Variants in SUFU observed in about 807,000 individuals in gnomAD.
SUFU encodes the protein suppressor of fused homolog.
Under a neutral mutation model 58.9 loss-of-function variants are expected in SUFU, and 7 were observed. That is an observed-to-expected ratio of 0.12 (90% CI 0.07 to 0.22). SUFU has a LOEUF of 0.22. SUFU is among the 10% of genes least tolerant of loss of function. The probability of loss-of-function intolerance (pLI) is 1.00; values close to 1 mark genes in which losing one functional copy is unlikely to be tolerated. For synonymous variants in SUFU, 232 were observed against 254.8 expected (o/e 0.91, Z 0.85); for missense variants, 451 against 641.3 (o/e 0.70, Z 3.20).
chr10:102,615,522 G>A, intron 9 of SUFU, 120 bp downstream of exon 9: 1 of 1,465,396 alleles, frequency 6.8e-7, no homozygotes, highest in Non-Finnish European at 9.5e-7. Flanking sequence ...CCTCCAAGGA[G>A]CCACCAGGCC....
intron 3 of SUFU, among the ~76,000 whole-genome samples, chr10:102,558,308 T>A (rs1206368057): frequency 6.6e-6 from 1 of 152,142 alleles, no homozygotes. Context: ...ATTTCTGGGC[T>A]CAAGTGATCT....
chr10:102,535,971 T>TGA (rs1564670044), intron 2 of SUFU, among the ~76,000 whole-genome samples: 66 of 118,164 alleles, frequency 5.6e-4, no homozygotes, highest in African/African-American at 1.1e-3. Context: ...GATGATGATG[T>TGA]TGTTGATGAT....
chr10:102,630,531 G>A lies in SUFU; in HGVS notation c.*376G>A, dbSNP rs866120174. The A allele has an allele frequency of 3.6e-4, 152 of 417,102 alleles. 1 individual carries two copies. The highest frequency in any genetic ancestry group is 2.1e-3 in the Middle Eastern group (3 of 1,458). The allele number at this position is 417,102 out of a possible 1,614,324, so 25.8% of individuals were successfully genotyped here. A position where few individuals can be genotyped will look rare whatever the true frequency, so the allele number is the denominator to read the frequency against. On this transcript the variant is annotated 3_prime_UTR_variant, in exon 12 of 12. Coordinates refer to ENST00000369902, the MANE Select transcript of SUFU (RefSeq NM_016169.4). ...CCCTGCCGCACAGCCCAGCAGGAGGGAGGCGGACAGCCAGATGCAGAGCGA... is the reference window on the plus strand; with the variant it reads ...CCCTGCCGCACAGCCCAGCAGGAGGAAGGCGGACAGCCAGATGCAGAGCGA...
At chr10:102,577,824 G>T (rs1828027612) in intron 3 of SUFU, among the ~76,000 whole-genome samples, 1 of 151,222 alleles carries the variant, frequency 6.6e-6, no homozygotes, top group South Asian at 2.1e-4. Context: ...GGGACTACAG[G>T]TGCCCACCAC....
chr10:102,536,486 C>T (rs1166716701), intron 2 of SUFU, among the ~76,000 whole-genome samples: 3 of 151,204 alleles, frequency 2.0e-5, no homozygotes, highest in Non-Finnish European at 4.4e-5. Context: ...GCCTCAGCAT[C>T]CCGAGTAGCT....
chr10:102,620,687 G>T (rs2063732593), intron 10 of SUFU, among the ~76,000 whole-genome samples: 1 of 152,116 alleles, frequency 6.6e-6, no homozygotes, highest in Admixed American at 6.5e-5. Context: ...CCTGGGAGGG[G>T]GCCTGCCAAG....
intron 3 of SUFU, among the ~76,000 whole-genome samples, chr10:102,578,671 G>A (rs1293263067): frequency 1.3e-5 from 2 of 148,746 alleles, no homozygotes; most frequent in South Asian, 2.1e-4. Context: ...TCATGTCACC[G>A]CACTCCAGCC....
intron 8 of SUFU, among the ~76,000 whole-genome samples, chr10:102,611,457 A>G (rs1327012811): frequency 1.3e-5 from 2 of 152,216 alleles, no homozygotes; most frequent in Admixed American, 6.5e-5. Context: ...GGGTCCACTC[A>G]AGGAGTCAGG....
chr10:102,504,178 C>T lies in SUFU; in HGVS notation c.26C>T (p.Ala9Val), dbSNP rs775491374. The change falls in exon 1 of 12, where the codon GCC becomes GTC. Residue 9 changes from alanine (A) to valine (V), a missense_variant. Physicochemically the swap from Ala to Val is moderately conservative, Grantham distance 64. Coordinates refer to ENST00000369902, the MANE Select transcript of SUFU (RefSeq NM_016169.4). ...ATGGCGGAGCTGCGGCCTAGCGGCG[C>T]CCCCGGCCCCACCGCGCCCCCGGCC... MAELRPSG[A>V]PGPTAPPAPG... The T allele has an allele frequency of 4.5e-6, 7 of 1,544,150 alleles. No homozygotes were observed. In the Admixed American group the frequency reaches 5.9e-5, roughly 13 times the overall value.
intron 2 of SUFU, among the ~76,000 whole-genome samples, chr10:102,538,369 A>G (rs982125439): frequency 2.0e-5 from 3 of 151,994 alleles, no homozygotes; most frequent in African/African-American, 7.2e-5. Flanking sequence ...TCCAAATGTA[A>G]GATTATTCCC....
rs1231839343 is a variant in SUFU, at chr10:102,625,348, C to G, written c.1297-1827C>G. On this transcript the variant is annotated intron_variant, in intron 10 of 11. Coordinates refer to ENST00000369902, the MANE Select transcript of SUFU (RefSeq NM_016169.4). The surrounding 1 kb of genome is among the most constrained non-coding windows in gnomAD (Gnocchi z 4.7). ...CCTTGTCTCTGTCCTTGGTCGGGGC[C>G]CTAGCTCCTAGAACAGAGAGTTTGG... 6.6e-6 allele frequency among the ~76,000 whole-genome samples: 1 copy of G among 152,166 alleles called. No homozygotes were observed. Among genetic ancestry groups the G allele is most frequent in the Admixed American group, 6.5e-5 (1 of 15,280 alleles).
chr10:102,511,636 T>G (rs1264636813), intron 2 of SUFU, among the ~76,000 whole-genome samples: 1 of 152,216 alleles, frequency 6.6e-6, no homozygotes, highest in Non-Finnish European at 1.5e-5. Context: ...AGGGGTTAAA[T>G]GAATTGCTAA....
chr10:102,535,015 A>G (rs763525016), intron 2 of SUFU, among the ~76,000 whole-genome samples: 12 of 152,164 alleles, frequency 7.9e-5, no homozygotes, highest in Non-Finnish European at 1.3e-4. Context: ...CCCCCTGCAC[A>G]GGATCTAGGT....
Position 102,592,739 on chromosome 10 carries a change from G to A in SUFU, c.597+15G>A, listed in dbSNP as rs2063417094. On this transcript the variant is annotated intron_variant, in intron 4 of 11. Coordinates refer to ENST00000369902, the MANE Select transcript of SUFU (RefSeq NM_016169.4). ...CCTTCCTCCAGGTGAGGCACAGGTT[G>A]GACGCTGGCTCAAGCCTTCCTGTGG... 11 of 1,613,656 alleles carry A rather than the reference G, an allele frequency of 6.8e-6. No homozygotes were observed. Among genetic ancestry groups the A allele is most frequent in the Non-Finnish European group, 9.3e-6 (11 of 1,180,034 alleles).
chr10:102,601,710 A>G (rs976624113), intron 8 of SUFU, among the ~76,000 whole-genome samples: 5 of 152,222 alleles, frequency 3.3e-5, no homozygotes, highest in Non-Finnish European at 7.3e-5. Flanking sequence ...TGATGGACTC[A>G]GTTCAGATCA....
At chr10:102,598,911 C>T (rs2063489785) in intron 7 of SUFU, among the ~76,000 whole-genome samples, 2 of 152,118 alleles carry the variant, frequency 1.3e-5, no homozygotes, top group Admixed American at 1.3e-4. Context: ...GGCAGAGTTT[C>T]CTGGGATAGA....
At chr10:102,507,136 G>C (rs1188675451) in intron 1 of SUFU, among the ~76,000 whole-genome samples, 3 of 152,144 alleles carry the variant, frequency 2.0e-5, no homozygotes, top group African/African-American at 7.2e-5. Context: ...TTGGGGACAG[G>C]GTTAATTTTA....
intron 3 of SUFU, among the ~76,000 whole-genome samples, chr10:102,582,551 G>A (rs952007718): frequency 4.6e-5 from 7 of 152,150 alleles, no homozygotes; most frequent in East Asian, 1.9e-4. Context: ...CTGTGCGCCT[G>A]TTCAGCACCC....
chr10:102,559,675 G>A (rs2063015930), intron 3 of SUFU, among the ~76,000 whole-genome samples: 1 of 152,064 alleles, frequency 6.6e-6, no homozygotes, highest in South Asian at 2.1e-4. Context: ...CAGATTGCCA[G>A]TTACTCTTCC....
Sources: gnomAD v4.1 joint callset for allele counts (sites outside exome capture counted in the v4.1 genomes callset) on GRCh38, gnomAD v4.1.1 for gene constraint, Gnocchi (gnomAD v3.1) non-coding constraint, MANE v1.5 for transcripts, NCBI Gene and HGNC (gene_info 2026-07-23, HGNC 2026-07-21) for gene names.